IGF2BP1: variants seen among roughly 807,000 people sequenced by gnomAD.
IGF2BP1 encodes the protein insulin-like growth factor 2 mRNA-binding protein 1.
IGF2BP1 carries 11 observed loss-of-function variants against 74.9 expected under a neutral mutation model. The ratio of observed to expected loss-of-function variants is 0.15; its 90% CI spans 0.09 to 0.24. IGF2BP1 has a LOEUF of 0.24. IGF2BP1 is among the 10% of genes least tolerant of loss of function. The pLI is 1.00. For missense variants in IGF2BP1, 440 were observed against 757.4 expected, an observed-to-expected ratio of 0.58 and a Z score of 4.92; for synonymous variants, 287 against 281.8, an observed-to-expected ratio of 1.02 and a Z score of -0.18.
chr17:49,041,628 C>A, intron 8 of IGF2BP1, 128 bp downstream of exon 8: 1 of 1,259,170 alleles, frequency 7.9e-7, no homozygotes, highest in Non-Finnish European at 1.1e-6. Flanking sequence ...TGAAGAAAAA[C>A]AGTCGAAGTG....
chr17:49,044,922 T>G, intron 11 of IGF2BP1, 69 bp from the exon 12 acceptor site: 1 of 1,323,534 alleles, frequency 7.6e-7, no homozygotes, highest in Non-Finnish European at 1.1e-6. Context: ...GAAGGGGAAC[T>G]GGATGAAGTG....
intron 2 of IGF2BP1, among the ~76,000 whole-genome samples, chr17:49,001,093 G>A (rs950685515): frequency 2.6e-5 from 4 of 152,092 alleles, no homozygotes; most frequent in South Asian, 4.1e-4. Context: ...CATTTTTCTA[G>A]AATGAATCAA....
intron 2 of IGF2BP1, among the ~76,000 whole-genome samples, chr17:49,025,310 CAAAG>C (rs1378969036): frequency 1.2e-4 from 12 of 98,834 alleles, no homozygotes; most frequent in Admixed American, 1.2e-3. Context: ...GTGGGACAAA[CAAAG>C]TGTGTGTGTG....
At chr17:48,999,955 TGTGTGTGTTC>T (rs1555593987) in intron 2 of IGF2BP1, among the ~76,000 whole-genome samples, 8 of 151,272 alleles carry the variant, frequency 5.3e-5, no homozygotes, top group Non-Finnish European at 8.8e-5. Flanking sequence ...TGTGTGTGTG[TGTGTGTGTTC>T]GTGTGTGTTC....
chr17:49,041,056 A>T (rs2042047033), intron 7 of IGF2BP1, among the ~76,000 whole-genome samples: 1 of 152,136 alleles, frequency 6.6e-6, no homozygotes, highest in Non-Finnish European at 1.5e-5. Context: ...GCCTGTGCGT[A>T]TAGTCCCAGC....
At chr17:49,025,120 G>C (rs1961080481) in intron 2 of IGF2BP1, among the ~76,000 whole-genome samples, 1 of 151,972 alleles carries the variant, frequency 6.6e-6, no homozygotes. Context: ...TGAACCCAGG[G>C]GGCAGAGGTT....
chr17:49,010,581 G>T (rs1405446011), intron 2 of IGF2BP1, among the ~76,000 whole-genome samples: 1 of 152,062 alleles, frequency 6.6e-6, no homozygotes, highest in Non-Finnish European at 1.5e-5. Flanking sequence ...CTCCCAAAGT[G>T]CAGTCACCTC....
chr17:49,009,318 C>T (rs543229050), intron 2 of IGF2BP1, among the ~76,000 whole-genome samples: 2 of 152,248 alleles, frequency 1.3e-5, no homozygotes, highest in East Asian at 3.9e-4. Flanking sequence ...AGGCGTGAGC[C>T]ACCGTGCCCT....
intron 2 of IGF2BP1, among the ~76,000 whole-genome samples, chr17:49,015,610 C>G (rs1230354104): frequency 5.9e-5 from 9 of 152,320 alleles, no homozygotes; most frequent in Middle Eastern, 3.4e-3. Flanking sequence ...GGTTTCTTCT[C>G]CACTTCCTCA....
rs199893342 is a variant in IGF2BP1, at chr17:49,049,466, G to C, written c.*22G>C. 3.1e-6 allele frequency: 5 copies of C among 1,601,974 alleles called. No homozygotes were observed. The highest frequency in any genetic ancestry group is 4.3e-6 in the Non-Finnish European group (5 of 1,169,522). The stretch of plus-strand genomic sequence containing the variant: ...GTGACCAGCCCCTCCCTGTCCCTTC[G>C]AGTCCAGGACAACAACGGGCAGAAA... On this transcript the variant is annotated 3_prime_UTR_variant, in exon 15 of 15. Transcript: ENST00000290341.
intron 10 of IGF2BP1, among the ~76,000 whole-genome samples, 168 bp from the exon 11 acceptor site, chr17:49,043,799 C>T (rs959830352): frequency 6.6e-6 from 1 of 152,198 alleles, no homozygotes; most frequent in Non-Finnish European, 1.5e-5. Flanking sequence ...TCCCTTTAGC[C>T]CTACTGGGCA....
Position 49,053,513 on chromosome 17 carries a change from G to A in IGF2BP1, c.*4069G>A, listed in dbSNP as rs2042190833. On this transcript the variant is annotated 3_prime_UTR_variant, in exon 15 of 15. Coordinates refer to ENST00000290341, the MANE Select transcript of IGF2BP1 (RefSeq NM_006546.4). The stretch of plus-strand genomic sequence containing the variant: ...CTGGTTGCACTTTGGGGAAGGAGAG[G>A]AAGTTTGGGGCTCCAGGTAGCTCCC... 6.5e-6 allele frequency: 1 copy of A among 153,016 alleles called. No individual in the cohort carries two copies. Among genetic ancestry groups the A allele is most frequent in the Admixed American group, 6.5e-5 (1 of 15,292 alleles). The allele number at this position is 153,016 out of a possible 1,614,324, so 9.5% of individuals were successfully genotyped here. A position where few individuals can be genotyped will look rare whatever the true frequency, so the allele number is the denominator to read the frequency against.
intron 1 of IGF2BP1, among the ~76,000 whole-genome samples, chr17:48,998,686 C>T (rs987511957): frequency 2.0e-5 from 3 of 151,908 alleles, no homozygotes; most frequent in Non-Finnish European, 4.4e-5. Flanking sequence ...GCCCGTCTTC[C>T]TGGCCAACAG....
chr17:49,005,220 C>T (rs990742505), intron 2 of IGF2BP1, among the ~76,000 whole-genome samples: 1 of 152,158 alleles, frequency 6.6e-6, no homozygotes, highest in Admixed American at 6.5e-5. Flanking sequence ...ACAGGTAAGT[C>T]ACAGAAAAGT....
Position 49,052,579 on chromosome 17 carries a change from T to C in IGF2BP1, c.*3135T>C, listed in dbSNP as rs1365675935. On this transcript the variant is annotated 3_prime_UTR_variant, in exon 15 of 15. Coordinates refer to ENST00000290341, the MANE Select transcript of IGF2BP1 (RefSeq NM_006546.4). The stretch of plus-strand genomic sequence containing the variant: ...TTGCCCAGCAGGAAAATCATGTAAG[T>C]TATACCACCAGAAAGCAAAAGGAGC... 2 of 152,168 alleles carry C rather than the reference T, an allele frequency of 1.3e-5. No individual in the cohort carries two copies. The highest frequency in any genetic ancestry group is 2.9e-5 in the Non-Finnish European group (2 of 68,016). 9.4% of individuals were successfully genotyped at this position (152,168 alleles called of 1,614,324 possible).
intron 12 of IGF2BP1, among the ~76,000 whole-genome samples, 159 bp from the exon 13 acceptor site, chr17:49,045,731 C>A (rs996853735): frequency 6.6e-6 from 1 of 152,234 alleles, no homozygotes; most frequent in Non-Finnish European, 1.5e-5. Context: ...ACAAGCTGCC[C>A]ACCTGAGCCT....
chr17:49,032,548 T>A (rs1171002984), intron 5 of IGF2BP1, among the ~76,000 whole-genome samples: 2 of 152,144 alleles, frequency 1.3e-5, no homozygotes, highest in African/African-American at 4.8e-5. Flanking sequence ...GACTATACAT[T>A]TTGCGCATTA....
chr17:49,002,101 T>C (rs1321828243), intron 2 of IGF2BP1, among the ~76,000 whole-genome samples: 1 of 152,084 alleles, frequency 6.6e-6, no homozygotes, highest in Non-Finnish European at 1.5e-5. Context: ...GAATTCTAAG[T>C]TTGGTGATTT....
At chr17:49,026,430 C>G in intron 3 of IGF2BP1, 36 bp from the exon 4 acceptor site, 1 of 1,604,500 alleles carries the variant, frequency 6.2e-7, no homozygotes. Context: ...TCTTGGGACT[C>G]AGAGTTAAGT....
Sources: allele counts gnomAD v4.1 joint callset (sites outside exome capture counted in the v4.1 genomes callset), GRCh38; gene constraint gnomAD v4.1.1; transcripts MANE v1.5; gene names NCBI Gene and HGNC (gene_info 2026-07-23, HGNC 2026-07-21).